RNPEP: variants seen among roughly 807,000 people sequenced by gnomAD.
RNPEP encodes the protein aminopeptidase B.
Under a neutral mutation model 70.1 loss-of-function variants are expected in RNPEP, and 57 were observed. The ratio of observed to expected loss-of-function variants is 0.81; its 90% CI spans 0.66 to 1.01. The LOEUF (loss-of-function observed/expected upper bound fraction) is 1.01, where lower values mean the gene tolerates loss of function less well. Ranked by LOEUF, RNPEP falls within the 50% of genes least tolerant of loss-of-function variation. RNPEP has a pLI of 0.00. For synonymous variants in RNPEP, 335 were observed against 357.4 expected, an observed-to-expected ratio of 0.94 and a Z score of 0.71; for missense variants, 787 against 852.4, an observed-to-expected ratio of 0.92 and a Z score of 0.96.
intron 1 of RNPEP, among the ~76,000 whole-genome samples, chr1:201,984,821 C>CTTTTTTTTTTTTTTTTTTTTTTTTTT (rs200795347): frequency 8.2e-6 from 1 of 121,998 alleles, no homozygotes; most frequent in Non-Finnish European, 1.7e-5. Context: ...GTATTTCTTT[C>CTTTTTTTTTTTTTTTTTTTTTTTTTT]TTTTTTTTTT....
chr1:202,003,552 C>T, intron 9 of RNPEP, 91 bp downstream of exon 9: 2 of 905,958 alleles, frequency 2.2e-6, no homozygotes. Flanking sequence ...GATGCTTGCC[C>T]CTAGGGAACT....
intron 1 of RNPEP, among the ~76,000 whole-genome samples, chr1:201,987,216 C>G (rs1683159887): frequency 6.6e-6 from 1 of 152,082 alleles, no homozygotes; most frequent in South Asian, 2.1e-4. Context: ...TCCTCCCTTC[C>G]TTTCCAGCCA....
At chr1:201,983,185 C>T (rs1453833000) in intron 1 of RNPEP, 72 bp downstream of exon 1, 8 of 1,415,742 alleles carry the variant, frequency 5.7e-6, no homozygotes, top group Non-Finnish European at 7.3e-6. Context: ...TGCACCCTCA[C>T]CTACCCCACC....
At chr1:201,987,954 A>T (rs12723374) in intron 1 of RNPEP, among the ~76,000 whole-genome samples, 5 of 151,246 alleles carry the variant, frequency 3.3e-5, no homozygotes, top group African/African-American at 1.2e-4. Context: ...CAGCCTGACC[A>T]ACATGATGAA....
chr1:201,984,949 T>G lies in RNPEP; in HGVS notation c.447+1836T>G, dbSNP rs368500042. On this transcript the variant is annotated intron_variant, in intron 1 of 10. Coordinates refer to ENST00000295640, the MANE Select transcript of RNPEP (RefSeq NM_020216.4). ...GGCTCACATCTGTAATCCCAGCACT[T>G]TGGGAGGCCAGGGCTGGCAGATCAC... 8.0e-5 allele frequency among the ~76,000 whole-genome samples: 12 copies of G among 149,994 alleles called. 1 individual carries two copies. The East Asian group carries it at 1.8e-3, about 23-fold the overall frequency.
chr1:201,986,923 G>A (rs1014926227), intron 1 of RNPEP, among the ~76,000 whole-genome samples: 8 of 152,278 alleles, frequency 5.3e-5, no homozygotes, highest in Non-Finnish European at 1.0e-4. Flanking sequence ...TCCCCTGGCT[G>A]AAGCAGTGAT....
chr1:201,988,094 C>G (rs1287522577), intron 1 of RNPEP, among the ~76,000 whole-genome samples: 1 of 148,714 alleles, frequency 6.7e-6, no homozygotes, highest in East Asian at 2.0e-4. Context: ...GAGCTGAGAT[C>G]ACACCATTGC....
intron 1 of RNPEP, among the ~76,000 whole-genome samples, chr1:201,988,658 T>C (rs751589546): frequency 6.6e-6 from 1 of 152,066 alleles, no homozygotes; most frequent in African/African-American, 2.4e-5. Flanking sequence ...AGATGACCCA[T>C]GGGATGCAGT....
Position 202,005,814 on chromosome 1 carries a change from TTA to T in RNPEP, c.*102_*103del. ...TGTTCCCTGATCAACTTCCTGGAGT[TTA>T]TATCCCCTCAGGATAATCTATTCTC... On this transcript the variant is annotated 3_prime_UTR_variant, in exon 11 of 11. Transcript: ENST00000295640. 1 of 1,351,984 alleles carries T rather than the reference TTA, an allele frequency of 7.4e-7. No homozygotes were observed. Among genetic ancestry groups the T allele is most frequent in the Non-Finnish European group, 1.0e-6 (1 of 958,938 alleles). The allele number at this position is 1,351,984 out of a possible 1,614,324, so 83.7% of individuals were successfully genotyped here.
At position 201,997,386 on chromosome 1, in the gene RNPEP, G is replaced by A. The variant is rs140055683; in HGVS notation, c.922G>A (p.Val308Ile). Residue 308 changes from valine (V) to isoleucine (I), a missense_variant, in exon 5 of 11, where the codon GTC becomes ATC. Transcript: ENST00000295640. ...AATGGAGAACCCTTGTCTGACCTTT[G>A]TCACCCCCTGCCTGCTAGCTGGGGA... is the stretch of plus-strand genomic sequence containing the variant. ...GGMENPCLTFVTPCLLAGDRS... is the reference protein window; with the variant it reads ...GGMENPCLTFITPCLLAGDRS... 7.4e-5 allele frequency: 119 copies of A among 1,613,972 alleles called. No homozygotes were observed. Among genetic ancestry groups the A allele is most frequent in the Admixed American group, 1.3e-4 (8 of 59,986 alleles).
At chr1:201,994,939 C>T (rs976414606) in intron 3 of RNPEP, among the ~76,000 whole-genome samples, 12 of 150,504 alleles carry the variant, frequency 8.0e-5, no homozygotes, top group Admixed American at 7.4e-4. Context: ...TTCGGCCTAC[C>T]GAAGTACTGG....
intron 5 of RNPEP, among the ~76,000 whole-genome samples, chr1:201,997,959 C>T (rs1363487281): frequency 6.6e-6 from 1 of 152,036 alleles, no homozygotes; most frequent in African/African-American, 2.4e-5. Flanking sequence ...GACGAGGTTT[C>T]TCCATGTTGG....
chr1:201,997,598 T>G, intron 5 of RNPEP, 44 bp downstream of exon 5: 1 of 1,478,604 alleles, frequency 6.8e-7, no homozygotes, highest in Non-Finnish European at 9.4e-7. Context: ...CTCCCATTCT[T>G]AACCTGTGGG....
intron 1 of RNPEP, among the ~76,000 whole-genome samples, chr1:201,984,140 C>T (rs1162504427): frequency 6.6e-6 from 1 of 152,172 alleles, no homozygotes; most frequent in Non-Finnish European, 1.5e-5. Context: ...CCATTTTGGT[C>T]AGGCTGGTCT....
rs1282920406 is a variant in RNPEP, at chr1:202,000,007, T to C, written c.1196T>C (p.Ile399Thr). The C allele has an allele frequency of 6.2e-7, 1 of 1,612,710 alleles. No individual in the cohort carries two copies. The highest frequency in any genetic ancestry group is 1.3e-5 in the African/African-American group (1 of 74,886). The change falls in exon 6 of 11, where the codon ATT becomes ACT. Residue 399 changes from isoleucine to threonine, a missense_variant. By Grantham distance (89) the Ile-to-Thr change is moderately conservative. Transcript: ENST00000295640. ...CCACTCAACAAGCTCCGCGTGAAGA[T>C]TGAACCAGGTCCAGGAGGCTCCTCT... ...ENPLNKLRVK[I>T]EPGVDPDDTY... is the part of the protein sequence containing the mutation.
chr1:201,996,150 C>G lies in RNPEP; in HGVS notation c.741C>G (p.Ser247Arg), dbSNP rs1390090932. The stretch of plus-strand genomic sequence containing the variant: ...TTCTCTGCTCTCTTGTCTTTAGGAG[C>G]CGGGTGTGGGCTGAGCCCTGCCTGA... ...DLVSAEVGPR[S>R]RVWAEPCLID... is the part of the protein sequence containing the mutation. Residue 247 changes from serine to arginine, a missense_variant, in exon 4 of 11, where the codon AGC (serine) becomes AGG (arginine). Physicochemically the swap from Ser to Arg is moderately radical, Grantham distance 110. Transcript: ENST00000295640. The G allele has an allele frequency of 2.5e-6, 4 of 1,613,158 alleles. No individual in the cohort carries two copies. In the African/African-American group the frequency reaches 4.0e-5, roughly 16 times the overall value.
In RNPEP at chr1:201,997,566, A is replaced by G; in HGVS notation, c.1090+12A>G. 6.2e-7 allele frequency: 1 copy of G among 1,600,096 alleles called. No homozygotes were observed. Among genetic ancestry groups the G allele is most frequent in the Non-Finnish European group, 8.6e-7 (1 of 1,167,738 alleles). ...CACCATCCTCTTTGGTAAAGTGCCCACCCCTCTCCTAAGGAGTCTGCCTCC... is the reference window on the plus strand; with the variant it reads ...CACCATCCTCTTTGGTAAAGTGCCCGCCCCTCTCCTAAGGAGTCTGCCTCC... On this transcript the variant is annotated intron_variant, in intron 5 of 10. Transcript: ENST00000295640.
rs371221190 is a variant in RNPEP at position 201,989,577 on chromosome 1, G to A, written c.737+46G>A. The A allele has an allele frequency of 9.9e-6, 16 of 1,608,646 alleles. No individual in the cohort carries two copies. The African/African-American group carries it at 1.3e-4, about 13-fold the overall frequency. ...AGGCAAGGTTGGATTGGCCTCAGAG[G>A]TGAGGAGGACTCTGACCAGTGGACC... On this transcript the variant is annotated intron_variant, in intron 3 of 10. Coordinates refer to ENST00000295640, the MANE Select transcript of RNPEP (RefSeq NM_020216.4).
intron 3 of RNPEP, among the ~76,000 whole-genome samples, chr1:201,993,607 C>CA (rs1176199266): frequency 3.1e-5 from 4 of 127,112 alleles, no homozygotes; most frequent in Non-Finnish European, 3.4e-5. Context: ...AAAAAAAAGC[C>CA]AAAACAAAAA....
Sources: gnomAD v4.1 joint callset for allele counts (sites outside exome capture counted in the v4.1 genomes callset) on GRCh38, gnomAD v4.1.1 for gene constraint, MANE v1.5 for transcripts, NCBI Gene and HGNC (gene_info 2026-07-23, HGNC 2026-07-21) for gene names.